Variants in FBXL18 observed in about 807,000 individuals in gnomAD.
The protein encoded by FBXL18 is F-box/LRR-repeat protein 18.
In FBXL18, 36 loss-of-function variants were observed where a neutral mutation model predicts 46.0. That is an observed-to-expected ratio of 0.78 (90% confidence interval 0.60 to 1.03). The LOEUF (loss-of-function observed/expected upper bound fraction) is 1.03, where lower values mean the gene tolerates loss of function less well. Ranked by LOEUF, FBXL18 falls within the 50% of genes least tolerant of loss-of-function variation. The pLI, the probability that FBXL18 is intolerant of heterozygous loss-of-function variation, is 0.00. For synonymous variants in FBXL18, 557 were observed against 465.3 expected (o/e 1.20, Z -2.54); for missense variants, 977 against 1,004.1 (o/e 0.97, Z 0.36).
Position 5,500,699 on chromosome 7 carries a change from C to A in FBXL18, c.1570G>T (p.Val524Leu). The change falls in exon 3 of 5, where the codon GTG becomes TTG. Residue 524 changes from valine (V) to leucine (L), a missense_variant. Physicochemically the swap from Val to Leu is conservative, Grantham distance 32. Transcript: ENST00000382368. ...SRAQSVGDSE[V>L]AAIGQLAFLR... is the part of the protein sequence containing the mutation. The stretch of plus-strand genomic sequence containing the variant: ...AAGGCCAGCTGGCCGATGGCGGCCA[C>A]CTCCGAGTCCCCGACACTCTGTGCG... 1.9e-6 allele frequency: 3 copies of A among 1,610,786 alleles called. No individual in the cohort carries two copies. Among genetic ancestry groups the A allele is most frequent in the Admixed American group, 3.4e-5 (2 of 59,698 alleles).
intron 4 of FBXL18, among the ~76,000 whole-genome samples, chr7:5,487,991 A>T (rs1258369247): frequency 6.6e-6 from 1 of 152,244 alleles, no homozygotes; most frequent in Non-Finnish European, 1.5e-5. Context: ...TCTCCCAGGC[A>T]CCTGCGTGTA....
At chr7:5,488,713 G>T (rs1482512400) in intron 4 of FBXL18, among the ~76,000 whole-genome samples, 1 of 152,244 alleles carries the variant, frequency 6.6e-6, no homozygotes, top group African/African-American at 2.4e-5. Context: ...CCAGCCGCAA[G>T]CGCAAGCGTA....
Position 5,476,910 on chromosome 7 carries a change from C to G in FBXL18, c.*4865G>C, listed in dbSNP as rs550768428. 2 of 148,476 alleles carry G rather than the reference C, an allele frequency of 1.3e-5. No individual in the cohort carries two copies. Among genetic ancestry groups the G allele is most frequent in the Non-Finnish European group, 3.0e-5 (2 of 67,320 alleles). 9.2% of individuals were successfully genotyped at this position (148,476 alleles called of 1,614,324 possible). A position where few individuals can be genotyped will look rare whatever the true frequency, so the allele number is the denominator to read the frequency against. On this transcript the variant is annotated 3_prime_UTR_variant, in exon 5 of 5. Coordinates refer to ENST00000382368, the MANE Select transcript of FBXL18 (RefSeq NM_024963.6). ...TCTTTTGTTTTTTTTTTTTTTGAGA[C>G]GGAGTCTCACTCTGTCGCCCAGGCT...
rs893995576 is a variant in FBXL18 at position 5,505,781 on chromosome 7, G to A, written c.19-151C>T. The A allele has an allele frequency of 4.5e-5, 29 of 644,070 alleles. 1 individual carries two copies. Among genetic ancestry groups the A allele is most frequent in the South Asian group, 3.3e-4 (17 of 51,526 alleles). 39.9% of individuals were successfully genotyped at this position (644,070 alleles called of 1,614,324 possible). On this transcript the variant is annotated intron_variant, in intron 1 of 4. Coordinates refer to ENST00000382368, the MANE Select transcript of FBXL18 (RefSeq NM_024963.6). ...CTCAACTGAATGACAAAGAATTCAC[G>A]AAATCCTTCAAAACTCCATTATAGA...
Position 5,501,221 on chromosome 7 carries a change from G to A in FBXL18, c.1048C>T (p.Leu350Phe). Residue 350 changes from leucine (L) to phenylalanine (F), a missense_variant, in exon 3 of 5, where the codon CTC becomes TTC. Coordinates refer to ENST00000382368, the MANE Select transcript of FBXL18 (RefSeq NM_024963.6). ...KDLRSLASLN[L>F]SGCVHCLSPD... ...GACAGGCAGTGGACGCAGCCGCTGAGGTTCAAGCTGGCCAGGCTCCGCAGG... is the reference window on the plus strand; with the variant it reads ...GACAGGCAGTGGACGCAGCCGCTGAAGTTCAAGCTGGCCAGGCTCCGCAGG... The A allele has an allele frequency of 1.2e-6, 2 of 1,613,424 alleles. No individual in the cohort carries two copies. The highest frequency in any genetic ancestry group is 1.7e-6 in the Non-Finnish European group (2 of 1,179,834).
intron 4 of FBXL18, among the ~76,000 whole-genome samples, chr7:5,463,728 A>ATT (rs552002078): frequency 3.2e-4 from 17 of 53,014 alleles, no homozygotes; most frequent in Non-Finnish European, 5.3e-4. Context: ...TTATTTATTT[A>ATT]TTTTTTTTTT....
rs1491478537 is a variant in FBXL18 at position 5,480,549 on chromosome 7, T to TATATATATATATATATATATA, written c.*1225_*1226insTATATATATATATATATATAT. On this transcript the variant is annotated 3_prime_UTR_variant, in exon 5 of 5. Transcript: ENST00000382368. ...TTGAATATATATATATATATATATA[T>TATATATATATATATATATATA]TTTTTTTTTTTTTTTTTTTTTTTTT... 7.0e-5 allele frequency: 2 copies of TATATATATATATATATATATA among 28,642 alleles called. No individual in the cohort carries two copies. The highest frequency in any genetic ancestry group is 2.9e-4 in the African/African-American group (2 of 6,936). 1.8% of individuals were successfully genotyped at this position (28,642 alleles called of 1,614,324 possible).
downstream of FBXL18, among the ~76,000 whole-genome samples, chr7:5,472,308 A>C (rs1319230018): frequency 6.6e-6 from 1 of 151,904 alleles, no homozygotes; most frequent in African/African-American, 2.4e-5. Flanking sequence ...ACAGCTCATC[A>C]CTCATCCTGG....
downstream of FBXL18, among the ~76,000 whole-genome samples, chr7:5,471,106 C>T (rs1022563961): frequency 7.2e-5 from 11 of 152,206 alleles, no homozygotes; most frequent in Admixed American, 6.5e-4. Context: ...GCAAGGGTCA[C>T]GGCAAACCAT....
chr7:5,462,064 GC>G (rs1486387670), intron 4 of FBXL18, among the ~76,000 whole-genome samples: 3 of 151,988 alleles, frequency 2.0e-5, no homozygotes, highest in Non-Finnish European at 4.4e-5. Context: ...ACACAGTGAA[GC>G]CCCGTCTACT....
downstream of FBXL18, among the ~76,000 whole-genome samples, chr7:5,471,527 C>T (rs1337650774): frequency 6.6e-6 from 1 of 152,160 alleles, no homozygotes; most frequent in Non-Finnish European, 1.5e-5. Context: ...CCGCCTGCCT[C>T]GGCCTCCCAA....
intron 4 of FBXL18, among the ~76,000 whole-genome samples, chr7:5,487,999 G>C (rs1422062385): frequency 6.6e-6 from 1 of 152,258 alleles, no homozygotes; most frequent in Non-Finnish European, 1.5e-5. Context: ...GCACCTGCGT[G>C]TAACCAGCGC....
chr7:5,482,958 A>C (rs1370776053), intron 4 of FBXL18, among the ~76,000 whole-genome samples: 1 of 151,822 alleles, frequency 6.6e-6, no homozygotes, highest in Non-Finnish European at 1.5e-5. Flanking sequence ...GGACCACTTG[A>C]GCCCAGGAGG....
chr7:5,506,623 C>T (rs1454554945), intron 1 of FBXL18, among the ~76,000 whole-genome samples: 2 of 149,676 alleles, frequency 1.3e-5, no homozygotes, highest in Non-Finnish European at 2.9e-5. Flanking sequence ...ATGGTGCGAT[C>T]TTGGTTCACT....
At chr7:5,463,728 A>ATTTATTTTTTTTTTTTTTTTTTTTTTT (rs1562672288) in intron 4 of FBXL18, among the ~76,000 whole-genome samples, 1 of 53,034 alleles carries the variant, frequency 1.9e-5, no homozygotes, top group Non-Finnish European at 3.3e-5. Flanking sequence ...TTATTTATTT[A>ATTTATTTTTTTTTTTTTTTTTTTTTTT]TTTTTTTTTT....
At position 5,501,295 on chromosome 7, in the gene FBXL18, G is replaced by C; in HGVS notation, c.974C>G (p.Thr325Ser). 1.2e-6 allele frequency: 2 copies of C among 1,614,170 alleles called. No individual in the cohort carries two copies. Among genetic ancestry groups the C allele is most frequent in the African/African-American group, 1.3e-5 (1 of 75,072 alleles). Residue 325 changes from threonine to serine, a missense_variant, in exon 3 of 5, where the codon ACC becomes AGC. Coordinates refer to ENST00000382368, the MANE Select transcript of FBXL18 (RefSeq NM_024963.6). ...CTGGATCAGATGGCCGCCTGACAGG[G>C]TACAGCGGCTGAAACTGAAGTAGAA... The part of the protein sequence containing the change: ...NPFYFSFSRC[T>S]LSGGHLIQQV...
rs1784272881 is a variant in FBXL18, at chr7:5,501,842, G to A, written c.427C>T (p.Leu143=). 1.3e-6 allele frequency: 2 copies of A among 1,597,558 alleles called. No individual in the cohort carries two copies. The highest frequency in any genetic ancestry group is 1.7e-6 in the Non-Finnish European group (2 of 1,173,528). Residue 143 remains leucine, a synonymous_variant, in exon 3 of 5, where the codon CTG becomes TTG. Transcript: ENST00000382368. Reference sequence around the variant, plus strand: ...ATGGCCAGCGAGCGCAGGTGCTGCAGGGCCGAGAGCATCTTGGAGAGGCGC... The same window carrying A: ...ATGGCCAGCGAGCGCAGGTGCTGCAAGGCCGAGAGCATCTTGGAGAGGCGC... ...SLRLSKMLSA[L]QHLRSLAIDV... is the part of the protein sequence containing the mutation.
At chr7:5,505,940 C>A (rs570906783) in intron 1 of FBXL18, among the ~76,000 whole-genome samples, 1 of 152,224 alleles carries the variant, frequency 6.6e-6, no homozygotes, top group Non-Finnish European at 1.5e-5. Flanking sequence ...TCTCGGCTCA[C>A]TGCAACCTCC....
chr7:5,498,299 G>A (rs1045674593), intron 3 of FBXL18, among the ~76,000 whole-genome samples: 2 of 152,092 alleles, frequency 1.3e-5, no homozygotes, highest in Admixed American at 6.5e-5. Context: ...TGTTAGCCAG[G>A]ATGGTCTCGA....
Sources: gnomAD v4.1 joint callset for allele counts (sites outside exome capture counted in the v4.1 genomes callset) on GRCh38, gnomAD v4.1.1 for gene constraint, MANE v1.5 for transcripts, NCBI Gene and HGNC (gene_info 2026-07-23, HGNC 2026-07-21) for gene names.